CCDC77: variants seen among roughly 807,000 people sequenced by gnomAD.
CCDC77 encodes the protein coiled-coil domain containing 77.
CCDC77 carries 56 observed loss-of-function variants against 66.8 expected under a neutral mutation model. The ratio of observed to expected loss-of-function variants is 0.84; its 90% confidence interval spans 0.68 to 1.05. The LOEUF (loss-of-function observed/expected upper bound fraction) is 1.05. CCDC77 is among the 50% of genes least tolerant of loss of function. CCDC77 has a pLI of 0.00. For synonymous variants in CCDC77, 196 were observed against 195.2 expected (o/e 1.00, Z -0.03); for missense variants, 570 against 576.8 (o/e 0.99, Z 0.12).
chr12:392,837 G>A (rs1944774328), intron 1 of CCDC77, among the ~76,000 whole-genome samples: 1 of 151,616 alleles, frequency 6.6e-6, no homozygotes, highest in Non-Finnish European at 1.5e-5. Context: ...AACCTAAGAT[G>A]TTTAAAATAT....
intron 9 of CCDC77, chr12:436,637 G>T (rs1945764942): frequency 3.3e-6 from 1 of 299,076 alleles, no homozygotes; most frequent in Non-Finnish European, 5.0e-6. Flanking sequence ...ACATTTCAAT[G>T]GGTTTTGTTT....
intron 1 of CCDC77, among the ~76,000 whole-genome samples, chr12:395,553 A>G (rs1944817106): frequency 6.6e-6 from 1 of 152,122 alleles, no homozygotes; most frequent in East Asian, 1.9e-4. Context: ...ATATTTGGAA[A>G]AAAAAACAAT....
chr12:433,648 T>A (rs1247797481), intron 9 of CCDC77, among the ~76,000 whole-genome samples: 6 of 145,736 alleles, frequency 4.1e-5, no homozygotes, highest in Non-Finnish European at 5.9e-5. Flanking sequence ...TGAGACCCTG[T>A]CTCAAAAAAA....
At chr12:401,629 C>T (rs747734746), upstream of CCDC77, 1 of 152,288 alleles carries the variant, frequency 6.6e-6, no homozygotes, top group Non-Finnish European at 1.5e-5. Flanking sequence ...CGCGCCGCTC[C>T]TTGGTTTGAC....
At chr12:398,712 TC>T (rs1944860177), upstream of CCDC77, among the ~76,000 whole-genome samples, 1 of 151,872 alleles carries the variant, frequency 6.6e-6, no homozygotes, top group African/African-American at 2.4e-5. Flanking sequence ...ATTGACCTCC[TC>T]CCATAAGTCA....
At chr12:439,142 C>G (rs1211167841) in intron 10 of CCDC77, among the ~76,000 whole-genome samples, 1 of 152,094 alleles carries the variant, frequency 6.6e-6, no homozygotes, top group African/African-American at 2.4e-5. Flanking sequence ...CCTAGAGTTA[C>G]AGTAATCTAA....
chr12:411,053 C>T (rs976418049), intron 3 of CCDC77, among the ~76,000 whole-genome samples: 1 of 152,110 alleles, frequency 6.6e-6, no homozygotes, highest in African/African-American at 2.4e-5. Context: ...GCTGGGACTG[C>T]TCAGCTACTC....
upstream of CCDC77, among the ~76,000 whole-genome samples, chr12:399,641 A>C (rs1249858732): frequency 1.3e-5 from 2 of 152,218 alleles, no homozygotes; most frequent in African/African-American, 4.8e-5. Context: ...ATTTTGAAAG[A>C]AATCCTTTTT....
chr12:430,241 C>T (rs1945626997), intron 6 of CCDC77, among the ~76,000 whole-genome samples: 1 of 152,168 alleles, frequency 6.6e-6, no homozygotes, highest in African/African-American at 2.4e-5. Context: ...GATCCGCCCA[C>T]CTTGGCCTCC....
Position 418,471 on chromosome 12 carries a change from A to G in CCDC77, c.271-23A>G, listed in dbSNP as rs549996829. 48 of 1,612,902 alleles carry G rather than the reference A, an allele frequency of 3.0e-5. 1 individual carries two copies. In the East Asian group the frequency reaches 6.2e-4, roughly 21 times the overall value. On this transcript the variant is annotated intron_variant, in intron 4 of 12. Transcript: ENST00000239830. ...CATTGAAACCCAGTGTCTTTCAACT[A>G]TCTTATTGTGGTTTTTTTGCAGCAT...
In CCDC77 at chr12:440,982, CA is replaced by C. The variant is rs780959257; in HGVS notation, c.1309del (p.Met437CysfsTer35). Reference sequence around the variant, plus strand: ...CCGACAGAAACTGAAAGACTTGGAGCAAATGTTGTATAAGGTAATTGCTGGT... The same window carrying C: ...CCGACAGAAACTGAAAGACTTGGAGCAATGTTGTATAAGGTAATTGCTGGT... Reference protein sequence around the residue: ...VLRQKLKDLEQMLYKATVNAR... With the variant: ...VLRQKLKDLEXMLYKATVNAR... On this transcript the variant is annotated frameshift_variant, in exon 12 of 13. Coordinates refer to ENST00000239830, the MANE Select transcript of CCDC77 (RefSeq NM_032358.4). LOFTEE classifies it high-confidence loss of function. 1.2e-6 allele frequency: 2 copies of C among 1,611,356 alleles called. No homozygotes were observed. Among genetic ancestry groups the C allele is most frequent in the East Asian group, 2.2e-5 (1 of 44,866 alleles).
chr12:395,914 A>T (rs992714582), intron 1 of CCDC77, among the ~76,000 whole-genome samples: 5 of 151,956 alleles, frequency 3.3e-5, no homozygotes, highest in Non-Finnish European at 5.9e-5. Context: ...AATAAATAAA[A>T]AATATAAAAC....
At chr12:434,309 TTTCTGGGG>T (rs935818457) in intron 9 of CCDC77, among the ~76,000 whole-genome samples, 1 of 152,028 alleles carries the variant, frequency 6.6e-6, no homozygotes, top group African/African-American at 2.4e-5. Context: ...AAACATGCCC[TTTCTGGGG>T]TTCTGGGGTC....
upstream of CCDC77, among the ~76,000 whole-genome samples, chr12:398,461 A>G (rs1406445421): frequency 6.7e-6 from 1 of 150,062 alleles, no homozygotes; most frequent in Non-Finnish European, 1.5e-5. Flanking sequence ...TTTTTTTGAG[A>G]CAGAATCTTG....
At chr12:415,411 T>TTATTATTAACATAATTAACA (rs1565568173) in intron 4 of CCDC77, among the ~76,000 whole-genome samples, 2 of 104,270 alleles carry the variant, frequency 1.9e-5, no homozygotes, top group Non-Finnish European at 3.7e-5. Context: ...ACATAATATG[T>TTATTATTAACATAATTAACA]TGATATTATT....
At chr12:397,380 C>T (rs185020634), upstream of CCDC77, among the ~76,000 whole-genome samples, 1 of 152,008 alleles carries the variant, frequency 6.6e-6, no homozygotes, top group East Asian at 1.9e-4. Flanking sequence ...GATACCGAGC[C>T]GAGATGTTTG....
At chr12:403,047 G>A (rs1944925969) in intron 1 of CCDC77, among the ~76,000 whole-genome samples, 1 of 152,192 alleles carries the variant, frequency 6.6e-6, no homozygotes, top group South Asian at 2.1e-4. Flanking sequence ...GTGCCAGTGG[G>A]ACTATGGGTG....
chr12:439,863 C>T (rs1591996656), intron 10 of CCDC77, among the ~76,000 whole-genome samples: 2 of 151,942 alleles, frequency 1.3e-5, no homozygotes, highest in East Asian at 3.8e-4. Context: ...TATGTAGTTG[C>T]TGGAAGTCCA....
At chr12:413,130 G>A (rs1945147133) in intron 4 of CCDC77, among the ~76,000 whole-genome samples, 1 of 150,988 alleles carries the variant, frequency 6.6e-6, no homozygotes, top group African/African-American at 2.4e-5. Context: ...AGTAGAGACG[G>A]GGTTTCACCG....
Sources: gnomAD v4.1 joint callset for allele counts (sites outside exome capture counted in the v4.1 genomes callset) on GRCh38, gnomAD v4.1.1 for gene constraint, MANE v1.5 for transcripts, NCBI Gene and HGNC (gene_info 2026-07-23, HGNC 2026-07-21) for gene names.